ARIH1: variants seen among roughly 807,000 people sequenced by gnomAD.
The protein encoded by ARIH1 is E3 ubiquitin-protein ligase ARIH1.
In ARIH1, 8 loss-of-function variants were observed where a neutral mutation model predicts 85.0. The ratio of observed to expected loss-of-function variants is 0.09; its 90% CI spans 0.06 to 0.17. The LOEUF (loss-of-function observed/expected upper bound fraction) is 0.17. Ranked by LOEUF, ARIH1 falls within the 10% of genes least tolerant of loss-of-function variation. ARIH1 has a pLI of 1.00. For synonymous variants in ARIH1, 238 were observed against 253.6 expected (o/e 0.94, Z 0.59); for missense variants, 311 against 718.1 (o/e 0.43, Z 6.48).
At chr15:72,549,280 G>T (rs1023591006) in intron 3 of ARIH1, among the ~76,000 whole-genome samples, 2 of 151,942 alleles carry the variant, frequency 1.3e-5, no homozygotes, top group African/African-American at 4.8e-5. Flanking sequence ...TAGACATGGG[G>T]TTCCACCATG....
chr15:72,503,209 C>A (rs2063910833), intron 1 of ARIH1, among the ~76,000 whole-genome samples: 1 of 152,136 alleles, frequency 6.6e-6, no homozygotes, highest in Non-Finnish European at 1.5e-5. Flanking sequence ...TTTATGTTTT[C>A]TTCGTTTTTG....
At chr15:72,561,294 A>G (rs1280657510) in intron 5 of ARIH1, among the ~76,000 whole-genome samples, 189 bp from the exon 6 acceptor site, 5 of 152,206 alleles carry the variant, frequency 3.3e-5, no homozygotes, top group Admixed American at 6.5e-5. Context: ...ATAAAACTAT[A>G]CAAACTTTGA....
chr15:72,498,428 A>G (rs999280788), intron 1 of ARIH1, among the ~76,000 whole-genome samples: 9 of 152,164 alleles, frequency 5.9e-5, no homozygotes, highest in African/African-American at 2.2e-4. Context: ...TAATTCACTC[A>G]TATTTGTGTC....
At chr15:72,568,127 A>G (rs912886377) in intron 9 of ARIH1, among the ~76,000 whole-genome samples, 1 of 152,202 alleles carries the variant, frequency 6.6e-6, no homozygotes, top group Non-Finnish European at 1.5e-5. Flanking sequence ...TCTTTAAGGA[A>G]TATATGGTAG....
chr15:72,583,027 A>T (rs1156727296), intron 13 of ARIH1, among the ~76,000 whole-genome samples, 181 bp from the exon 14 acceptor site: 5 of 152,324 alleles, frequency 3.3e-5, no homozygotes, highest in African/African-American at 1.2e-4. Context: ...CCATTTTAAT[A>T]TTAGAAGCAG....
chr15:72,477,197 G>A (rs766816086), intron 1 of ARIH1, among the ~76,000 whole-genome samples: 1 of 152,072 alleles, frequency 6.6e-6, no homozygotes, highest in Non-Finnish European at 1.5e-5. Context: ...TATGTTTATT[G>A]GGCTTGGTAT....
At chr15:72,539,485 T>G (rs547353136) in intron 2 of ARIH1, among the ~76,000 whole-genome samples, 2 of 151,626 alleles carry the variant, frequency 1.3e-5, no homozygotes, top group Non-Finnish European at 2.9e-5. Flanking sequence ...AATGATTTTG[T>G]AGAACTTCAA....
chr15:72,485,453 G>A (rs999886546), intron 1 of ARIH1, among the ~76,000 whole-genome samples: 1 of 151,872 alleles, frequency 6.6e-6, no homozygotes, highest in Admixed American at 6.6e-5. Flanking sequence ...AAACACTGCC[G>A]TCTCTGCTTA....
At chr15:72,506,357 A>AAAAAAAAAAAAG (rs1393822497) in intron 1 of ARIH1, among the ~76,000 whole-genome samples, 15 of 148,688 alleles carry the variant, frequency 1.0e-4, no homozygotes, top group South Asian at 2.1e-4. Context: ...CTCACAAAAA[A>AAAAAAAAAAAAG]AAAAAAAAGA....
chr15:72,489,015 A>G (rs2063848278), intron 1 of ARIH1, among the ~76,000 whole-genome samples: 1 of 152,170 alleles, frequency 6.6e-6, no homozygotes, highest in East Asian at 1.9e-4. Flanking sequence ...GGTTGAGGCC[A>G]GAGGATTACT....
At position 72,599,035 on chromosome 15, in the gene ARIH1, T is replaced by C. The variant is rs1039297069; in HGVS notation, c.*15743T>C. ...TTTATTTACATATTTCATTAGCTAGTATTTTTTTCTTTTTTGAGACAGAGT... is the reference window on the plus strand; with the variant it reads ...TTTATTTACATATTTCATTAGCTAGCATTTTTTTCTTTTTTGAGACAGAGT... On this transcript the variant is annotated 3_prime_UTR_variant, in exon 14 of 14. Transcript: ENST00000379887. 7 of 152,260 alleles carry C rather than the reference T, an allele frequency of 4.6e-5. No homozygotes were observed. Among genetic ancestry groups the C allele is most frequent in the Admixed American group, 2.6e-4 (4 of 15,286 alleles). The allele number at this position is 152,260 out of a possible 1,614,324, so 9.4% of individuals were successfully genotyped here.
intron 2 of ARIH1, among the ~76,000 whole-genome samples, chr15:72,537,400 T>TAGTTTCCCAAG (rs1301395781): frequency 6.6e-6 from 1 of 152,148 alleles, no homozygotes; most frequent in African/African-American, 2.4e-5. Context: ...AAAAGTCCAA[T>TAGTTTCCCAAG]AGTTTCCCAA....
rs1266036250 is a variant in ARIH1 at position 72,600,341 on chromosome 15, G to A, written c.*17049G>A. 6.6e-6 allele frequency: 1 copy of A among 152,196 alleles called. No individual in the cohort carries two copies. The highest frequency in any genetic ancestry group is 1.5e-5 in the Non-Finnish European group (1 of 68,026). The allele number at this position is 152,196 out of a possible 1,614,324, so 9.4% of individuals were successfully genotyped here. A position where few individuals can be genotyped will look rare whatever the true frequency, so the allele number is the denominator to read the frequency against. On this transcript the variant is annotated 3_prime_UTR_variant, in exon 14 of 14. Transcript: ENST00000379887. ...AAATGAAGATCCATCTGTGACACAA[G>A]AAACATGTTCTATGTGATTTCTGGG...
chr15:72,555,377 G>T lies in ARIH1; in HGVS notation c.681+14G>T, dbSNP rs1019929890. On this transcript the variant is annotated intron_variant, in intron 4 of 13. Transcript: ENST00000379887. Reference sequence around the variant, plus strand: ...GGCATGGGTCAGGTAAAGATATCAAGTTGTTTTTCAGTTTTTGTTGAATTT... The same window carrying T: ...GGCATGGGTCAGGTAAAGATATCAATTTGTTTTTCAGTTTTTGTTGAATTT... 13 of 1,595,954 alleles carry T rather than the reference G, an allele frequency of 8.1e-6. No individual in the cohort carries two copies. Among genetic ancestry groups the T allele is most frequent in the Non-Finnish European group, 1.1e-5 (13 of 1,164,608 alleles).
At chr15:72,558,668 AG>A (rs1283071960) in intron 5 of ARIH1, among the ~76,000 whole-genome samples, 1 of 152,244 alleles carries the variant, frequency 6.6e-6, no homozygotes, top group Non-Finnish European at 1.5e-5. Flanking sequence ...TAATGACCAG[AG>A]TGACACTTGC....
At chr15:72,498,254 A>T (rs916666465) in intron 1 of ARIH1, among the ~76,000 whole-genome samples, 3 of 151,274 alleles carry the variant, frequency 2.0e-5, no homozygotes, top group South Asian at 2.1e-4. Flanking sequence ...TTTTTTTTTT[A>T]AATAAAAATG....
chr15:72,509,227 G>A (rs981703813), intron 1 of ARIH1, among the ~76,000 whole-genome samples: 1 of 151,712 alleles, frequency 6.6e-6, no homozygotes, highest in Admixed American at 6.6e-5. Flanking sequence ...CTGACCTTAA[G>A]TGATCACCTG....
intron 1 of ARIH1, among the ~76,000 whole-genome samples, chr15:72,502,829 G>C (rs1465180675): frequency 6.6e-6 from 1 of 152,040 alleles, no homozygotes; most frequent in African/African-American, 2.4e-5. Context: ...TTAAAAAAAA[G>C]AGTGATGAAG....
rs1309207132 is a variant in ARIH1, at chr15:72,594,879, C to T, written c.*11587C>T. The stretch of plus-strand genomic sequence containing the variant: ...CTACAATATCTAGTGCAATGTTTAA[C>T]GTGTGGTGAGAGCAGACACCTTGCC... On this transcript the variant is annotated 3_prime_UTR_variant, in exon 14 of 14. Coordinates refer to ENST00000379887, the MANE Select transcript of ARIH1 (RefSeq NM_005744.5). 2.8e-5 allele frequency: 3 copies of T among 109,010 alleles called. No homozygotes were observed. The highest frequency in any genetic ancestry group is 3.2e-4 in the East Asian group (1 of 3,140). The allele number at this position is 109,010 out of a possible 1,614,324, so 6.8% of individuals were successfully genotyped here. A position where few individuals can be genotyped will look rare whatever the true frequency, so the allele number is the denominator to read the frequency against.
Sources: allele counts gnomAD v4.1 joint callset (sites outside exome capture counted in the v4.1 genomes callset), GRCh38; gene constraint gnomAD v4.1.1; transcripts MANE v1.5; gene names NCBI Gene and HGNC (gene_info 2026-07-23, HGNC 2026-07-21).